TCEA3: variants seen among roughly 807,000 people sequenced by gnomAD.
TCEA3 encodes transcription elongation factor A3.
In TCEA3, 36 loss-of-function variants were observed where a neutral mutation model predicts 44.0. The observed-to-expected ratio is 0.82, with a 90% CI of 0.63 to 1.08. TCEA3 has a LOEUF of 1.08. Among genes scored for constraint, TCEA3 ranks in the 50% least tolerant of loss-of-function variants. The pLI, the probability that TCEA3 is intolerant of heterozygous loss-of-function variation, is 0.00. For missense variants in TCEA3, 392 were observed against 441.2 expected, an observed-to-expected ratio of 0.89 and a Z score of 1.00; for synonymous variants, 162 against 159.7, an observed-to-expected ratio of 1.01 and a Z score of -0.11.
At chr1:23,386,821 C>T (rs999321772) in intron 9 of TCEA3, among the ~76,000 whole-genome samples, 8 of 151,998 alleles carry the variant, frequency 5.3e-5, no homozygotes, top group South Asian at 4.2e-4. Flanking sequence ...CCCGGGTTCA[C>T]GCCATTCTCC....
At chr1:23,402,018 G>A (rs1389196510) in intron 5 of TCEA3, among the ~76,000 whole-genome samples, 1 of 152,200 alleles carries the variant, frequency 6.6e-6, no homozygotes, top group African/African-American at 2.4e-5. Context: ...GACTGGTGGT[G>A]TAACAGCTTC....
intron 5 of TCEA3, among the ~76,000 whole-genome samples, chr1:23,398,778 G>C (rs571133965): frequency 6.6e-6 from 1 of 151,614 alleles, no homozygotes; most frequent in African/African-American, 2.4e-5. Flanking sequence ...TTTATTTTTT[G>C]AGACAGGGTC....
At chr1:23,381,918 C>A (rs889299137) in intron 10 of TCEA3, among the ~76,000 whole-genome samples, 2 of 152,166 alleles carry the variant, frequency 1.3e-5, no homozygotes, top group Non-Finnish European at 2.9e-5. Flanking sequence ...TCAGAATGTC[C>A]TTTCTCTAAC....
intron 1 of TCEA3, among the ~76,000 whole-genome samples, chr1:23,421,413 G>A (rs149500990): frequency 1.4e-3 from 217 of 152,286 alleles, no homozygotes; most frequent in Non-Finnish European, 2.4e-3. Context: ...TAGCATGGGC[G>A]CAGATCTGTC....
intron 5 of TCEA3, chr1:23,404,103 C>T (rs574541032): frequency 2.8e-6 from 2 of 702,302 alleles, no homozygotes; most frequent in South Asian, 3.0e-5. Context: ...GAGGCCGGGC[C>T]CGCTGCTTCT....
intron 4 of TCEA3, among the ~76,000 whole-genome samples, chr1:23,414,235 G>C (rs1438550343): frequency 6.6e-6 from 1 of 151,694 alleles, no homozygotes; most frequent in East Asian, 1.9e-4. Flanking sequence ...GGAATTACAG[G>C]CATGTACCAC....
chr1:23,398,051 T>C, intron 5 of TCEA3, 96 bp from the exon 6 acceptor site: 6 of 1,441,418 alleles, frequency 4.2e-6, no homozygotes, highest in Non-Finnish European at 5.7e-6. Context: ...TCTCCTATAA[T>C]CCTCATAACA....
chr1:23,418,741 G>T (rs1207773204), intron 2 of TCEA3, among the ~76,000 whole-genome samples: 2 of 152,118 alleles, frequency 1.3e-5, no homozygotes, highest in African/African-American at 4.8e-5. Context: ...GGGCTACACA[G>T]GGATTTTAAA....
chr1:23,422,800 C>T (rs539049062), intron 1 of TCEA3, among the ~76,000 whole-genome samples: 1 of 152,140 alleles, frequency 6.6e-6, no homozygotes, highest in Non-Finnish European at 1.5e-5. Flanking sequence ...AGAGGAAACT[C>T]GAGGTCCAGA....
chr1:23,414,139 T>C (rs534608787), intron 4 of TCEA3, among the ~76,000 whole-genome samples: 32 of 152,262 alleles, frequency 2.1e-4, no homozygotes, highest in African/African-American at 7.7e-4. Context: ...CAGGCTGGCG[T>C]GCAGTGGCAC....
intron 4 of TCEA3, chr1:23,411,455 G>T: frequency 5.1e-6 from 1 of 194,902 alleles, no homozygotes. Flanking sequence ...ACTGCACCCA[G>T]CCAGAGGTCT....
rs562501493 is a variant in TCEA3, at chr1:23,417,118, G to C, written c.380+131C>G. ...TGAGCCAAAGAAGACCCCCAGAGGG[G>C]GCACTGCAGGAGATAATACCAATAT... On this transcript the variant is annotated intron_variant, in intron 4 of 10. Transcript: ENST00000450454. 4.9e-5 allele frequency: 56 copies of C among 1,133,564 alleles called. No homozygotes were observed. In the Admixed American group the frequency reaches 9.6e-4, roughly 19 times the overall value. The allele number at this position is 1,133,564 out of a possible 1,614,324, so 70.2% of individuals were successfully genotyped here.
chr1:23,382,680 G>A lies in TCEA3; in HGVS notation c.1039-1206C>T, dbSNP rs116342953. On this transcript the variant is annotated intron_variant, in intron 10 of 10. Transcript: ENST00000450454. ...GAGGCTCTGTTAATGCTTTATGTGT[G>A]TTACCTTCTCTACTCCTCAAAACAG... Among the ~76,000 whole-genome samples the A allele has an allele frequency of 7.5e-3, 1,142 of 152,296 alleles. 7 individuals are homozygous for A. The highest frequency in any genetic ancestry group is 0.013 in the Non-Finnish European group (909 of 68,028).
At position 23,402,031 on chromosome 1, in the gene TCEA3, A is replaced by G. The variant is rs1017073400; in HGVS notation, c.444-4076T>C. Among the ~76,000 whole-genome samples the G allele has an allele frequency of 5.9e-5, 9 of 152,142 alleles. 1 individual carries two copies. Among genetic ancestry groups the G allele is most frequent in the Non-Finnish European group, 1.2e-4 (8 of 68,012 alleles). On this transcript the variant is annotated intron_variant, in intron 5 of 10. Transcript: ENST00000450454. ...GGGACTGGTGGTGTAACAGCTTCCA[A>G]TTATTTTTAGCATAAAGTAAAACTC...
chr1:23,410,916 T>G (rs1639687770), intron 4 of TCEA3: 1 of 164,058 alleles, frequency 6.1e-6, no homozygotes, highest in Admixed American at 6.1e-5. Flanking sequence ...TCTTGAAAGA[T>G]CCCTGAATTG....
chr1:23,416,573 CCTCCAT>C (rs1249247425), intron 4 of TCEA3, among the ~76,000 whole-genome samples: 1 of 152,116 alleles, frequency 6.6e-6, no homozygotes, highest in Middle Eastern at 3.2e-3. Context: ...CTCACTGCAA[CCTCCAT>C]CTCCCGGGCA....
At chr1:23,391,675 C>A (rs1413678716) in intron 8 of TCEA3, among the ~76,000 whole-genome samples, 4 of 152,114 alleles carry the variant, frequency 2.6e-5, no homozygotes, top group Admixed American at 2.6e-4. Context: ...GTAATCCCAG[C>A]ACTTTGGGAG....
At chr1:23,408,254 G>A (rs1002111829) in intron 5 of TCEA3, among the ~76,000 whole-genome samples, 31 of 152,272 alleles carry the variant, frequency 2.0e-4, no homozygotes, top group African/African-American at 3.6e-4. Flanking sequence ...GAGCCACTGT[G>A]CCCAGCCTAG....
At position 23,393,937 on chromosome 1, in the gene TCEA3, C is replaced by T. The variant is rs763442834; in HGVS notation, c.761G>A (p.Arg254Gln). The part of the protein sequence containing the change: ...NLKDPRNPGL[R>Q]RNVLSGAISA... ...GATGGCCCCACTGAGCACGTTCCGCCGCAGGCCGGGGTTCCTGGGGTCCTT... is the reference window on the plus strand; with the variant it reads ...GATGGCCCCACTGAGCACGTTCCGCTGCAGGCCGGGGTTCCTGGGGTCCTT... The change falls in exon 8 of 11, where the codon CGG becomes CAG. Residue 254 changes from arginine to glutamine, a missense_variant. By Grantham distance (43) the Arg-to-Gln change is conservative. Coordinates refer to ENST00000450454, the MANE Select transcript of TCEA3 (RefSeq NM_003196.3). 7.4e-6 allele frequency: 12 copies of T among 1,613,858 alleles called. No individual in the cohort carries two copies. The highest frequency in any genetic ancestry group is 5.5e-5 in the South Asian group (5 of 91,092).
Sources: gnomAD v4.1 joint callset for allele counts (sites outside exome capture counted in the v4.1 genomes callset) on GRCh38, gnomAD v4.1.1 for gene constraint, MANE v1.5 for transcripts, NCBI Gene and HGNC (gene_info 2026-07-23, HGNC 2026-07-21) for gene names.